Variants in ASCC3 observed in about 807,000 individuals in gnomAD.
ASCC3 encodes activating signal cointegrator 1 complex subunit 3.
ASCC3 carries 158 observed loss-of-function variants against 256.3 expected under a neutral mutation model. That is an observed-to-expected ratio of 0.62 (90% confidence interval 0.54 to 0.70). The LOEUF is 0.70. ASCC3 is among the 30% of genes least tolerant of loss of function. ASCC3 has a pLI of 0.00. For synonymous variants in ASCC3, 948 were observed against 883.4 expected (o/e 1.07, Z -1.30); for missense variants, 2,259 against 2,626.0 (o/e 0.86, Z 3.05).
intron 10 of ASCC3, among the ~76,000 whole-genome samples, chr6:100,732,592 T>C (rs1303388861): frequency 1.3e-5 from 2 of 152,220 alleles, no homozygotes; most frequent in Admixed American, 1.3e-4. Context: ...ACAATTTATG[T>C]TTATCCAAGA....
chr6:100,631,070 T>G, intron 26 of ASCC3, 58 bp downstream of exon 26: 1 of 1,263,756 alleles, frequency 7.9e-7, no homozygotes, highest in Non-Finnish European at 1.1e-6. Flanking sequence ...TCAACTCTTA[T>G]TTCCTGGTCC....
At chr6:100,801,502 C>A (rs938706160) in intron 5 of ASCC3, among the ~76,000 whole-genome samples, 1 of 152,050 alleles carries the variant, frequency 6.6e-6, no homozygotes, top group African/African-American at 2.4e-5. Flanking sequence ...TAAGTCAAAT[C>A]TTCACAATTC....
chr6:100,721,027 C>T (rs960031053), intron 11 of ASCC3, among the ~76,000 whole-genome samples: 11 of 150,118 alleles, frequency 7.3e-5, no homozygotes, highest in Admixed American at 2.0e-4. Flanking sequence ...TATTTGTAAA[C>T]TTTCTAAGGT....
intron 30 of ASCC3, among the ~76,000 whole-genome samples, chr6:100,610,626 A>C (rs1047934980): frequency 3.3e-5 from 5 of 152,192 alleles, no homozygotes; most frequent in Non-Finnish European, 7.4e-5. Flanking sequence ...ACAATGTCTA[A>C]ATAGCTCATG....
intron 36 of ASCC3, among the ~76,000 whole-genome samples, chr6:100,570,113 AT>A (rs1409694806): frequency 1.3e-5 from 2 of 152,004 alleles, no homozygotes; most frequent in African/African-American, 4.8e-5. Context: ...AATGTTACTG[AT>A]TTTTGTACAC....
intron 13 of ASCC3, among the ~76,000 whole-genome samples, chr6:100,680,363 C>G (rs1290981944): frequency 6.6e-6 from 1 of 152,104 alleles, no homozygotes; most frequent in Admixed American, 6.5e-5. Context: ...AAAAATGCAT[C>G]TTCAGGGACA....
intron 8 of ASCC3, among the ~76,000 whole-genome samples, chr6:100,779,546 A>C (rs759636412): frequency 3.3e-5 from 5 of 152,136 alleles, no homozygotes; most frequent in Non-Finnish European, 5.9e-5. Context: ...ATAGGTGAAA[A>C]AGCTTTCAGA....
intron 10 of ASCC3, among the ~76,000 whole-genome samples, chr6:100,742,335 A>T (rs1270998846): frequency 6.6e-6 from 1 of 152,152 alleles, no homozygotes; most frequent in Non-Finnish European, 1.5e-5. Context: ...GGTCTCACCC[A>T]GTCAGGAGGA....
chr6:100,589,716 T>C lies in ASCC3; in HGVS notation c.5468A>G (p.Tyr1823Cys). Residue 1823 changes from tyrosine (Y) to cysteine (C), a missense_variant, in exon 36 of 42, where the codon TAT (tyrosine) becomes TGT (cysteine). Physicochemically the swap from Tyr to Cys is radical, Grantham distance 194. Around this residue, in one of 2 missense-constraint regions of ASCC3, gnomAD observed 1,839 missense variants for 2,206.7 expected, o/e 0.83. Transcript: ENST00000369162. ...CATTTTAACTGTTTGATGCTTCAAA[T>C]AGTAATAGGAGGCAATTCGGCCATA... ...LTYGRIASYY[Y>C]LKHQTVKMFK... 2 of 1,613,724 alleles carry C rather than the reference T, an allele frequency of 1.2e-6. No individual in the cohort carries two copies. The highest frequency in any genetic ancestry group is 1.7e-6 in the Non-Finnish European group (2 of 1,179,712).
At chr6:100,590,140 A>G (rs1771928206) in intron 34 of ASCC3, 81 bp from the exon 35 acceptor site, 3 of 909,622 alleles carry the variant, frequency 3.3e-6, no homozygotes, top group South Asian at 1.4e-5. Flanking sequence ...CAGAATATAT[A>G]TAAATATAAT....
chr6:100,646,373 A>G (rs1272925954), intron 22 of ASCC3, among the ~76,000 whole-genome samples: 5 of 152,042 alleles, frequency 3.3e-5, no homozygotes. Flanking sequence ...GCAGTGGCAC[A>G]GTCTTGGCTC....
chr6:100,545,387 A>G (rs1314105363), intron 36 of ASCC3, among the ~76,000 whole-genome samples: 1 of 152,148 alleles, frequency 6.6e-6, no homozygotes, highest in Non-Finnish European at 1.5e-5. Flanking sequence ...CCTGTTAGCT[A>G]GGATGGTCTC....
At chr6:100,775,071 C>T (rs1359958598) in intron 8 of ASCC3, among the ~76,000 whole-genome samples, 1 of 152,122 alleles carries the variant, frequency 6.6e-6, no homozygotes, top group East Asian at 1.9e-4. Context: ...CTTTTCTTCA[C>T]TCATTTACCA....
At chr6:100,802,559 A>G (rs1423132247) in intron 5 of ASCC3, among the ~76,000 whole-genome samples, 3 of 152,136 alleles carry the variant, frequency 2.0e-5, no homozygotes, top group Non-Finnish European at 4.4e-5. Flanking sequence ...CTGATACAAA[A>G]AGCTTATTGA....
intron 5 of ASCC3, among the ~76,000 whole-genome samples, chr6:100,803,873 T>C (rs914082820): frequency 1.3e-5 from 2 of 152,128 alleles, no homozygotes; most frequent in Non-Finnish European, 2.9e-5. Context: ...AGATGTTGAA[T>C]AGTTTGAAGA....
intron 36 of ASCC3, among the ~76,000 whole-genome samples, chr6:100,566,646 C>T (rs1770265788): frequency 6.6e-6 from 1 of 152,118 alleles, no homozygotes; most frequent in Admixed American, 6.6e-5. Flanking sequence ...GCCAATTATT[C>T]CATTTATGCA....
chr6:100,685,377 C>T (rs1777525143), intron 13 of ASCC3, among the ~76,000 whole-genome samples: 1 of 152,244 alleles, frequency 6.6e-6, no homozygotes, highest in East Asian at 1.9e-4. Context: ...TTTCTTAACC[C>T]AGGCTCTTCA....
At chr6:100,874,439 C>T (rs1378398563) in intron 1 of ASCC3, among the ~76,000 whole-genome samples, 1 of 122,750 alleles carries the variant, frequency 8.1e-6, no homozygotes, top group Non-Finnish European at 1.6e-5. Flanking sequence ...GCATTCCAGC[C>T]TGGCAACAGA....
intron 10 of ASCC3, among the ~76,000 whole-genome samples, chr6:100,730,941 T>C (rs931582052): frequency 6.6e-6 from 1 of 152,208 alleles, no homozygotes; most frequent in African/African-American, 2.4e-5. Context: ...GGCTTTCAAT[T>C]ACAAAATAAA....
Sources: allele counts gnomAD v4.1 joint callset (sites outside exome capture counted in the v4.1 genomes callset), GRCh38; gene constraint gnomAD v4.1.1; regional missense constraint gnomAD v4.1.1; transcripts MANE v1.5; gene names NCBI Gene and HGNC (gene_info 2026-07-23, HGNC 2026-07-21).